TMEM132B: variants seen among roughly 807,000 people sequenced by gnomAD.
TMEM132B encodes the protein transmembrane protein 132B.
In TMEM132B, 18 loss-of-function variants were observed where a neutral mutation model predicts 90.8. The observed-to-expected ratio is 0.20, with a 90% CI of 0.14 to 0.29. TMEM132B has a LOEUF of 0.29. Ranked by LOEUF, TMEM132B falls within the 10% of genes least tolerant of loss-of-function variation. TMEM132B has a pLI of 1.00. For missense variants in TMEM132B, 1,096 were observed against 1,326.8 expected, an observed-to-expected ratio of 0.83 and a Z score of 2.70; for synonymous variants, 504 against 523.3, an observed-to-expected ratio of 0.96 and a Z score of 0.50.
chr12:125,206,297 G>T (rs1474262961), intron 1 of TMEM132B, among the ~76,000 whole-genome samples: 1 of 152,100 alleles, frequency 6.6e-6, no homozygotes, highest in East Asian at 1.9e-4. Flanking sequence ...GGAGTGCAGT[G>T]GTGCAATCTC....
Position 125,641,989 on chromosome 12 carries a change from G to A in TMEM132B, c.1438-2087G>A, listed in dbSNP as rs7956519. On this transcript the variant is annotated intron_variant, in intron 5 of 8. Transcript: ENST00000682704. ...ACTGCAGGTTTCTAAATCACAGGGG[G>A]CCTCAATCTCTTTTTTTCTGAGCAG... is the stretch of plus-strand genomic sequence containing the variant. Among the ~76,000 whole-genome samples the A allele has an allele frequency of 4.3e-3, 658 of 152,238 alleles. 1 individual carries two copies. Among genetic ancestry groups the A allele is most frequent in the South Asian group, 7.7e-3 (37 of 4,822 alleles).
At position 125,427,149 on chromosome 12, in the gene TMEM132B, G is replaced by C. The variant is rs1593140545; in HGVS notation, c.1106+11472G>C. On this transcript the variant is annotated intron_variant, in intron 3 of 8. Transcript: ENST00000682704. Reference sequence around the variant, plus strand: ...TGGCACAGGTGAGGCTTGATAGTGGGGCTGGACGATCTTAGAGTATGGGAG... The same window carrying C: ...TGGCACAGGTGAGGCTTGATAGTGGCGCTGGACGATCTTAGAGTATGGGAG... 2.0e-5 allele frequency among the ~76,000 whole-genome samples: 3 copies of C among 152,136 alleles called. No homozygotes were observed. The South Asian group carries it at 6.2e-4, about 32-fold the overall frequency.
At chr12:125,608,894 A>G (rs1885760169) in intron 5 of TMEM132B, among the ~76,000 whole-genome samples, 1 of 152,092 alleles carries the variant, frequency 6.6e-6, no homozygotes. Context: ...GTCTGTTCTC[A>G]TGCTGCTATG....
intron 1 of TMEM132B, among the ~76,000 whole-genome samples, chr12:125,286,109 ATCC>A (rs1875348532): frequency 6.6e-6 from 1 of 152,240 alleles, no homozygotes; most frequent in South Asian, 2.1e-4. Flanking sequence ...TATACCTTTC[ATCC>A]TCACCACAGC....
chr12:125,221,389 G>A (rs554527252), intron 1 of TMEM132B, among the ~76,000 whole-genome samples: 24 of 152,278 alleles, frequency 1.6e-4, no homozygotes, highest in South Asian at 4.1e-4. Context: ...CCGTCTAGTC[G>A]GAGAAATGAG....
intron 1 of TMEM132B, among the ~76,000 whole-genome samples, chr12:125,222,446 C>T (rs921942481): frequency 2.0e-5 from 3 of 152,082 alleles, no homozygotes; most frequent in African/African-American, 4.8e-5. Flanking sequence ...GCAGCCAAGG[C>T]GACTAAGGAA....
intron 1 of TMEM132B, among the ~76,000 whole-genome samples, chr12:125,208,537 C>T (rs1338821849): frequency 6.6e-6 from 1 of 152,218 alleles, no homozygotes; most frequent in Non-Finnish European, 1.5e-5. Context: ...TACATGGTAT[C>T]ACATAGCATG....
rs1194605325 is a variant in TMEM132B, at chr12:125,655,564, T to A, written c.*854T>A. On this transcript the variant is annotated 3_prime_UTR_variant, in exon 9 of 9. Transcript: ENST00000682704. ...CAAACATTTGGAAAAAAGTTGTCAA[T>A]CACAAACATTTATTTTTATTCTCTG... The A allele has an allele frequency of 1.3e-5, 2 of 152,216 alleles. No homozygotes were observed. Among genetic ancestry groups the A allele is most frequent in the African/African-American group, 4.8e-5 (2 of 41,454 alleles). 9.4% of individuals were successfully genotyped at this position (152,216 alleles called of 1,614,324 possible).
At chr12:125,360,899 T>C (rs1877937288) in intron 2 of TMEM132B, among the ~76,000 whole-genome samples, 1 of 152,054 alleles carries the variant, frequency 6.6e-6, no homozygotes, top group Non-Finnish European at 1.5e-5. Context: ...ACTCCCCTCC[T>C]TACTGTCTAT....
intron 4 of TMEM132B, among the ~76,000 whole-genome samples, chr12:125,554,651 G>A (rs1188462484): frequency 1.3e-5 from 2 of 151,914 alleles, no homozygotes; most frequent in African/African-American, 4.8e-5. Context: ...TTCTTGGCTG[G>A]TGTCACATCC....
intron 3 of TMEM132B, among the ~76,000 whole-genome samples, chr12:125,505,726 G>A: frequency 6.6e-6 from 1 of 151,996 alleles, no homozygotes. Flanking sequence ...ATTACTGGGT[G>A]GCTTACCAGA....
At chr12:125,250,106 G>A (rs1175450581) in intron 1 of TMEM132B, among the ~76,000 whole-genome samples, 3 of 152,232 alleles carry the variant, frequency 2.0e-5, no homozygotes, top group Non-Finnish European at 4.4e-5. Context: ...GCACGGGCAG[G>A]TCAGCTGACA....
intron 3 of TMEM132B, among the ~76,000 whole-genome samples, chr12:125,416,294 C>A (rs1335517892): frequency 2.0e-5 from 3 of 152,180 alleles, no homozygotes; most frequent in Non-Finnish European, 4.4e-5. Flanking sequence ...CCTCTGTTTT[C>A]TTCTTGTTTC....
At chr12:125,503,809 T>C (rs1882758921) in intron 3 of TMEM132B, among the ~76,000 whole-genome samples, 1 of 152,240 alleles carries the variant, frequency 6.6e-6, no homozygotes, top group South Asian at 2.1e-4. Flanking sequence ...AGGCCCAAAT[T>C]AGTTTCTCTT....
chr12:125,612,530 T>A (rs200691478), intron 5 of TMEM132B, among the ~76,000 whole-genome samples: 51,336 of 146,824 alleles, frequency 0.35, 9,124 homozygotes, highest in African/African-American at 0.4. Flanking sequence ...GTGTATTTAT[T>A]TTGTACAACA....
chr12:125,226,004 C>A (rs1477907740), intron 1 of TMEM132B, among the ~76,000 whole-genome samples: 1 of 152,192 alleles, frequency 6.6e-6, no homozygotes, highest in Non-Finnish European at 1.5e-5. Flanking sequence ...CCTACAAATT[C>A]CATTTTACCC....
chr12:125,197,544 C>G (rs111355883), intron 1 of TMEM132B, among the ~76,000 whole-genome samples: 1 of 152,194 alleles, frequency 6.6e-6, no homozygotes, highest in Admixed American at 6.5e-5. Flanking sequence ...TGGAACACAG[C>G]GGTGCCTATT....
chr12:125,519,445 T>A lies in TMEM132B; in HGVS notation c.1113T>A (p.Asn371Lys), dbSNP rs1286824521. The A allele has an allele frequency of 6.2e-7, 1 of 1,606,060 alleles. No individual in the cohort carries two copies. The highest frequency in any genetic ancestry group is 1.7e-5 in the Admixed American group (1 of 58,748). Residue 371 changes from asparagine (N) to lysine (K), a missense_variant, in exon 4 of 9, where the codon AAT becomes AAA. By Grantham distance (94) the Asn-to-Lys change is moderately conservative. Coordinates refer to ENST00000682704, the MANE Select transcript of TMEM132B (RefSeq NM_001366854.1). Reference protein sequence around the residue: ...GHRPDTQSRVNGSFYEILQVD... With the variant: ...GHRPDTQSRVKGSFYEILQVD... ...ATATGTGTTTGTTTTCCAGGGTAAA[T>A]GGATCCTTCTATGAGATCTTGCAAG... is the stretch of plus-strand genomic sequence containing the variant.
chr12:125,489,475 C>T (rs747709142), intron 3 of TMEM132B, among the ~76,000 whole-genome samples: 3 of 152,068 alleles, frequency 2.0e-5, no homozygotes, highest in African/African-American at 4.8e-5. Flanking sequence ...GTGGCACAAT[C>T]ATAGCTCACT....
Sources: gnomAD v4.1 joint callset for allele counts (sites outside exome capture counted in the v4.1 genomes callset) on GRCh38, gnomAD v4.1.1 for gene constraint, MANE v1.5 for transcripts, NCBI Gene and HGNC (gene_info 2026-07-23, HGNC 2026-07-21) for gene names.